Variants in RASSF4 observed in about 807,000 individuals in gnomAD.
RASSF4 encodes the protein Ras association domain family member 4, also known as ras association domain-containing protein 4.
Under a neutral mutation model 41.1 loss-of-function variants are expected in RASSF4, and 38 were observed. The observed-to-expected ratio is 0.92, with a 90% CI of 0.71 to 1.21. The LOEUF is 1.21. RASSF4 is among the 50% of genes most tolerant of loss of function. RASSF4 has a pLI of 0.00. For missense variants in RASSF4, 414 were observed against 419.4 expected, an observed-to-expected ratio of 0.99 and a Z score of 0.11; for synonymous variants, 179 against 163.4, an observed-to-expected ratio of 1.10 and a Z score of -0.73.
At chr10:44,973,749 G>A (rs1017145294) in intron 3 of RASSF4, among the ~76,000 whole-genome samples, 2 of 152,186 alleles carry the variant, frequency 1.3e-5, no homozygotes, top group African/African-American at 4.8e-5. Context: ...CAGGGGCGCG[G>A]GAGCGGGAAG....
intron 3 of RASSF4, chr10:44,982,255 G>C (rs559553631): frequency 1.6e-5 from 8 of 507,322 alleles, no homozygotes; most frequent in Admixed American, 4.1e-5. Flanking sequence ...CCAGCAGCTG[G>C]CTTCCTGTGG....
chr10:44,967,395 C>A (rs1840944220), intron 1 of RASSF4, among the ~76,000 whole-genome samples: 1 of 152,230 alleles, frequency 6.6e-6, no homozygotes, highest in South Asian at 2.1e-4. Context: ...TGGTGAGCGA[C>A]CACACGGGCA....
intron 3 of RASSF4, chr10:44,977,823 CTGGCCTGTGGGG>C (rs769528124): frequency 1.4e-5 from 22 of 1,604,626 alleles, no homozygotes; most frequent in Middle Eastern, 1.7e-4. Flanking sequence ...CAGGCCTGGG[CTGGCCTGTGGGG>C]TGGCCTGGGT....
At chr10:44,982,230 G>A (rs1841736886) in intron 3 of RASSF4, 2 of 457,946 alleles carry the variant, frequency 4.4e-6, no homozygotes, top group South Asian at 5.1e-5. Context: ...ACCGCGGTGT[G>A]GACGTGCCTG....
chr10:44,971,905 A>T lies in RASSF4; in HGVS notation c.138+57A>T, dbSNP rs945256594. ...CATGTACCCTGGGAGGCCCTGCCTG[A>T]TACCTGTTGTTTCAGGGTAATGATG... On this transcript the variant is annotated intron_variant, in intron 3 of 10. Transcript: ENST00000340258. 12 of 1,243,238 alleles carry T rather than the reference A, an allele frequency of 9.7e-6. No individual in the cohort carries two copies. The African/African-American group carries it at 1.2e-4, about 12-fold the overall frequency. The allele number at this position is 1,243,238 out of a possible 1,614,324, so 77.0% of individuals were successfully genotyped here.
Position 44,993,661 on chromosome 10 carries a change from T to C in RASSF4, c.*332T>C, listed in dbSNP as rs189940299. ...GGCTTAGGCTTCATCTGCTTGCACATTGCCTGTCCCAGAGCCCCTGTGGGT... is the reference window on the plus strand; with the variant it reads ...GGCTTAGGCTTCATCTGCTTGCACACTGCCTGTCCCAGAGCCCCTGTGGGT... On this transcript the variant is annotated 3_prime_UTR_variant, in exon 11 of 11. Coordinates refer to ENST00000340258, the MANE Select transcript of RASSF4 (RefSeq NM_032023.4). 2.8e-4 allele frequency: 80 copies of C among 283,492 alleles called. No individual in the cohort carries two copies. Among genetic ancestry groups the C allele is most frequent in the African/African-American group, 1.4e-3 (66 of 47,854 alleles). The allele number at this position is 283,492 out of a possible 1,614,324, so 17.6% of individuals were successfully genotyped here.
chr10:44,974,623 C>T (rs890953554), intron 3 of RASSF4, among the ~76,000 whole-genome samples: 1 of 14,436 alleles, frequency 6.9e-5, no homozygotes, highest in African/African-American at 1.6e-4. Context: ...CTGAAAGAGA[C>T]CCCCCCGTGT....
chr10:44,965,489 T>C (rs1840866722), intron 1 of RASSF4, among the ~76,000 whole-genome samples: 1 of 152,216 alleles, frequency 6.6e-6, no homozygotes, highest in African/African-American at 2.4e-5. Flanking sequence ...GTCAAAGAAA[T>C]ATATGTTGGG....
rs376280733 is a variant in RASSF4 at position 44,982,554 on chromosome 10, A to G, written c.172A>G (p.Asn58Asp). The stretch of plus-strand genomic sequence containing the variant: ...GACTCTGATCATCGAGGGGCTCCTC[A>G]ACATTGCCTGGGGGCTGAGGCGGCC... ...EGTLIIEGLL[N>D]IAWGLRRPIR... Residue 58 changes from asparagine (N) to aspartate (D), a missense_variant, in exon 4 of 11, where the codon AAC becomes GAC. Asn to Asp is a conservative substitution (Grantham distance 23). Transcript: ENST00000340258. The G allele has an allele frequency of 2.5e-6, 4 of 1,612,326 alleles. No individual in the cohort carries two copies. The African/African-American group carries it at 5.3e-5, about 22-fold the overall frequency.
At position 44,973,598 on chromosome 10, in the gene RASSF4, CTT is replaced by C. The variant is rs1363844845; in HGVS notation, c.138+1751_138+1752del. Among the ~76,000 whole-genome samples the C allele has an allele frequency of 2.0e-5, 3 of 152,232 alleles. No homozygotes were observed. The East Asian group carries it at 5.8e-4, about 29-fold the overall frequency. On this transcript the variant is annotated intron_variant, in intron 3 of 10. Transcript: ENST00000340258. ...CTCCCAGCCTGCTGAACCGAAAACA[CTT>C]AGTCTTCCCGTCCAAGTTTTAAGGA...
rs1588797656 is a variant in RASSF4 at position 44,970,238 on chromosome 10, C to T, written c.36C>T (p.Pro12=). 9 of 1,614,074 alleles carry T rather than the reference C, an allele frequency of 5.6e-6. No homozygotes were observed. The highest frequency in any genetic ancestry group is 2.7e-5 in the African/African-American group (2 of 75,056). The part of the protein sequence containing the change: ...KEDCLPSSHV[P]ISDSKSIQKS... ...ACTGTCTGCCGAGTTCTCACGTGCC[C>T]ATCAGTGACAGCAAGTCCATTCAGA... Residue 12 remains proline (P), a synonymous_variant, in exon 2 of 11, where the codon CCC becomes CCT. Transcript: ENST00000340258.
intron 1 of RASSF4, among the ~76,000 whole-genome samples, chr10:44,964,080 A>C (rs992603559): frequency 2.0e-5 from 3 of 152,252 alleles, no homozygotes; most frequent in Admixed American, 2.0e-4. Flanking sequence ...CACAAACACA[A>C]AAAAGGAAAG....
intron 3 of RASSF4, among the ~76,000 whole-genome samples, chr10:44,980,279 C>T (rs1017680405): frequency 1.3e-5 from 2 of 152,208 alleles, no homozygotes; most frequent in African/African-American, 4.8e-5. Context: ...TCTCACCTTG[C>T]CCAAGCTCTT....
At chr10:44,982,453 A>C (rs1841751040) in intron 3 of RASSF4, 68 bp from the exon 4 acceptor site, 2 of 1,575,388 alleles carry the variant, frequency 1.3e-6, no homozygotes, top group South Asian at 2.2e-5. Flanking sequence ...AGAGCATCCC[A>C]TCCCTAGGGG....
At chr10:44,969,030 GTGTA>G (rs1841024974) in intron 1 of RASSF4, among the ~76,000 whole-genome samples, 1 of 151,854 alleles carries the variant, frequency 6.6e-6, no homozygotes, top group African/African-American at 2.4e-5. Context: ...GTGAGCATGT[GTGTA>G]TGTGTTAAGT....
intron 1 of RASSF4, among the ~76,000 whole-genome samples, chr10:44,967,393 G>C (rs894637523): frequency 6.6e-6 from 1 of 152,182 alleles, no homozygotes; most frequent in Non-Finnish European, 1.5e-5. Flanking sequence ...GGTGGTGAGC[G>C]ACCACACGGG....
intron 6 of RASSF4, among the ~76,000 whole-genome samples, chr10:44,985,840 C>T (rs1009681968): frequency 6.6e-6 from 1 of 152,220 alleles, no homozygotes; most frequent in Non-Finnish European, 1.5e-5. Context: ...CTTCCACCCC[C>T]TGCTAGGCTT....
intron 9 of RASSF4, chr10:44,991,369 G>A (rs1330257777): frequency 3.4e-6 from 1 of 289,958 alleles, no homozygotes; most frequent in Non-Finnish European, 6.4e-6. Context: ...TTGTCATTAT[G>A]TGAGAGACCT....
At chr10:44,974,627 C>CCG (rs1365713950) in intron 3 of RASSF4, among the ~76,000 whole-genome samples, 15 of 152,132 alleles carry the variant, frequency 9.9e-5, no homozygotes, top group Admixed American at 6.5e-4. Context: ...AAGAGACCCC[C>CCG]CCGTGTTGTC....
Sources: gnomAD v4.1 joint callset for allele counts (sites outside exome capture counted in the v4.1 genomes callset) on GRCh38, gnomAD v4.1.1 for gene constraint, MANE v1.5 for transcripts, NCBI Gene and HGNC (gene_info 2026-07-23, HGNC 2026-07-21) for gene names.